Variants in FGF14 observed in about 807,000 individuals in gnomAD.
The protein encoded by FGF14 is fibroblast growth factor 14, also known as fibroblast growth factor homologous factor 4.
A neutral mutation model predicts 25.5 loss-of-function variants in FGF14; 5 were observed. That is an observed-to-expected ratio of 0.20 (90% CI 0.10 to 0.41). The LOEUF (loss-of-function observed/expected upper bound fraction) is 0.41, where lower values mean the gene tolerates loss of function less well. Ranked by LOEUF, FGF14 falls within the 10% of genes least tolerant of loss-of-function variation. The pLI, the probability that FGF14 is intolerant of heterozygous loss-of-function variation, is 1.00. For synonymous variants in FGF14, 138 were observed against 118.3 expected (o/e 1.17, Z -1.08); for missense variants, 222 against 320.1 (o/e 0.69, Z 2.34).
At chr13:102,350,734 T>C (rs865880034) in intron 1 of FGF14, among the ~76,000 whole-genome samples, 2 of 152,198 alleles carry the variant, frequency 1.3e-5, no homozygotes, top group African/African-American at 4.8e-5. Flanking sequence ...TGTAAAATGA[T>C]GATATGGAAA....
At chr13:102,133,447 A>T (rs494933) in intron 1 of FGF14, among the ~76,000 whole-genome samples, 104,038 of 152,060 alleles carry the variant, frequency 0.68, 36,833 homozygotes, top group East Asian at 0.92. Flanking sequence ...TGTGCATTTA[A>T]GTATGTATAT....
At chr13:102,107,469 A>G (rs2044979739) in intron 1 of FGF14, among the ~76,000 whole-genome samples, 1 of 152,144 alleles carries the variant, frequency 6.6e-6, no homozygotes, top group Admixed American at 6.6e-5. Context: ...CTCAATGTAC[A>G]TTAGGAGCAT....
intron 1 of FGF14, among the ~76,000 whole-genome samples, chr13:101,975,757 A>C (rs1019004367): frequency 6.6e-6 from 1 of 152,228 alleles, no homozygotes; most frequent in African/African-American, 2.4e-5. Flanking sequence ...ACTTACTAAA[A>C]TAGAAAAAGC....
At chr13:102,067,033 A>AT (rs1432216464) in intron 1 of FGF14, among the ~76,000 whole-genome samples, 1 of 152,050 alleles carries the variant, frequency 6.6e-6, no homozygotes, top group Non-Finnish European at 1.5e-5. Flanking sequence ...TACCAACCAA[A>AT]TCTCTTGTCT....
At chr13:102,018,612 G>A (rs1174622985) in intron 1 of FGF14, among the ~76,000 whole-genome samples, 1 of 150,976 alleles carries the variant, frequency 6.6e-6, no homozygotes, top group Non-Finnish European at 1.5e-5. Context: ...TTCCTTCTCT[G>A]GCCCTGAGGT....
chr13:101,952,414 T>G (rs1488772007), intron 1 of FGF14, among the ~76,000 whole-genome samples: 1 of 54,260 alleles, frequency 1.8e-5, no homozygotes, highest in Admixed American at 2.3e-4. Context: ...TTTTGGCTAC[T>G]TTTTTTTTTT....
intron 1 of FGF14, among the ~76,000 whole-genome samples, chr13:101,994,834 T>C (rs572634397): frequency 6.6e-6 from 1 of 152,228 alleles, no homozygotes; most frequent in African/African-American, 2.4e-5. Context: ...CCTTGCATTC[T>C]ATAGTATATT....
At chr13:102,087,399 T>C (rs1372844375) in intron 1 of FGF14, among the ~76,000 whole-genome samples, 1 of 134,754 alleles carries the variant, frequency 7.4e-6, no homozygotes, top group African/African-American at 2.7e-5. Flanking sequence ...AAAAATAGAC[T>C]GTAATTTCTT....
At chr13:101,901,075 G>C (rs1037935917) in intron 1 of FGF14, among the ~76,000 whole-genome samples, 4 of 152,040 alleles carry the variant, frequency 2.6e-5, no homozygotes, top group African/African-American at 9.7e-5. Flanking sequence ...AGCTAGGAAT[G>C]GACAGAAAGA....
intron 1 of FGF14, among the ~76,000 whole-genome samples, chr13:102,257,070 C>T (rs2052476824): frequency 6.6e-6 from 1 of 151,998 alleles, no homozygotes; most frequent in African/African-American, 2.4e-5. Context: ...TAATAATTGG[C>T]ATAATAAAGG....
intron 1 of FGF14, among the ~76,000 whole-genome samples, chr13:102,154,495 C>T (rs1185055765): frequency 2.0e-5 from 3 of 152,088 alleles, no homozygotes; most frequent in Admixed American, 6.6e-5. Flanking sequence ...CAGGCCTGCC[C>T]TAAAAGAGCT....
intron 1 of FGF14, among the ~76,000 whole-genome samples, chr13:101,932,942 A>G (rs2034863602): frequency 6.6e-6 from 1 of 152,134 alleles, no homozygotes; most frequent in South Asian, 2.1e-4. Flanking sequence ...CTGAGGGGAA[A>G]ATGGAAACAG....
intron 1 of FGF14, among the ~76,000 whole-genome samples, chr13:101,958,694 T>G (rs1489860813): frequency 6.6e-6 from 1 of 152,186 alleles, no homozygotes; most frequent in East Asian, 1.9e-4. Flanking sequence ...AGCCTCACAC[T>G]CAGATATTCT....
At chr13:102,124,897 G>GA (rs943599937) in intron 1 of FGF14, among the ~76,000 whole-genome samples, 76 of 151,988 alleles carry the variant, frequency 5.0e-4, no homozygotes, top group African/African-American at 1.7e-3. Context: ...TCTCTATATT[G>GA]AAAAATAATT....
intron 1 of FGF14, among the ~76,000 whole-genome samples, chr13:102,239,265 C>T (rs1236586598): frequency 6.6e-6 from 1 of 152,070 alleles, no homozygotes; most frequent in Non-Finnish European, 1.5e-5. Context: ...GTTTATATTG[C>T]TTGTTTGTTT....
Position 101,717,278 on chromosome 13 carries a change from A to G in FGF14, c.*5553T>C, listed in dbSNP as rs1449831313. 6.6e-6 allele frequency: 1 copy of G among 152,156 alleles called. No homozygotes were observed. Among genetic ancestry groups the G allele is most frequent in the Non-Finnish European group, 1.5e-5 (1 of 68,022 alleles). 9.4% of individuals were successfully genotyped at this position (152,156 alleles called of 1,614,324 possible). ...GATCCTGATTTTTATAGTACTAACA[A>G]TGTTCTCATAATGTAATAGATTTAT... On this transcript the variant is annotated 3_prime_UTR_variant, in exon 5 of 5. Coordinates refer to ENST00000376143, the MANE Select transcript of FGF14 (RefSeq NM_004115.4).
intron 3 of FGF14, among the ~76,000 whole-genome samples, chr13:101,850,981 C>T (rs2043817277): frequency 6.6e-6 from 1 of 151,954 alleles, no homozygotes; most frequent in Non-Finnish European, 1.5e-5. Flanking sequence ...ATGGATTGAA[C>T]TGTGTTTCCC....
At chr13:101,914,165 A>T (rs1268461182) in intron 1 of FGF14, among the ~76,000 whole-genome samples, 2 of 151,552 alleles carry the variant, frequency 1.3e-5, no homozygotes, top group Non-Finnish European at 2.9e-5. Context: ...AATATGCTTG[A>T]AAATATGTTC....
chr13:101,881,047 GCA>G (rs1194808614), intron 1 of FGF14, among the ~76,000 whole-genome samples: 1 of 152,094 alleles, frequency 6.6e-6, no homozygotes, highest in East Asian at 1.9e-4. Flanking sequence ...ATGACTATGG[GCA>G]AAGACTTTTT....
Sources: gnomAD v4.1 joint callset for allele counts (sites outside exome capture counted in the v4.1 genomes callset) on GRCh38, gnomAD v4.1.1 for gene constraint, MANE v1.5 for transcripts, NCBI Gene and HGNC (gene_info 2026-07-23, HGNC 2026-07-21) for gene names.